The following COQ5 variants were observed in gnomAD, a reference collection of about 807,000 sequenced individuals.
COQ5 encodes the protein 2-methoxy-6-polyprenyl-1,4-benzoquinol methylase, mitochondrial.
A neutral mutation model predicts 40.5 loss-of-function variants in COQ5; 27 were observed. The observed-to-expected ratio is 0.67, with a 90% confidence interval of 0.49 to 0.92. The LOEUF (loss-of-function observed/expected upper bound fraction) is 0.92. COQ5 is among the 40% of genes least tolerant of loss of function. The pLI is 0.00. For synonymous variants in COQ5, 141 were observed against 150.0 expected, an observed-to-expected ratio of 0.94 and a Z score of 0.44; for missense variants, 409 against 406.4, an observed-to-expected ratio of 1.01 and a Z score of -0.06.
rs1258338925 is a variant in COQ5, at chr12:120,503,679, T to C, written c.*105A>G. 2.5e-6 allele frequency: 2 copies of C among 815,614 alleles called. No individual in the cohort carries two copies. The highest frequency in any genetic ancestry group is 1.9e-5 in the Admixed American group (1 of 52,146). 50.5% of individuals were successfully genotyped at this position (815,614 alleles called of 1,614,324 possible). On this transcript the variant is annotated 3_prime_UTR_variant, in exon 7 of 7. Coordinates refer to ENST00000288532, the MANE Select transcript of COQ5 (RefSeq NM_032314.4). Reference sequence around the variant, plus strand: ...TTCAAACATGAGTCCAAGGCACGTATCCTTAAGAGGAGATGCTCTGCTGCT... The same window carrying C: ...TTCAAACATGAGTCCAAGGCACGTACCCTTAAGAGGAGATGCTCTGCTGCT...
intron 1 of COQ5, chr12:120,523,044 A>G: frequency 2.2e-6 from 1 of 463,420 alleles, no homozygotes; most frequent in Non-Finnish European, 3.8e-6. Flanking sequence ...TAAAAAAAAA[A>G]GAGATTCTTA....
At chr12:120,509,942 T>A in intron 4 of COQ5, 75 bp downstream of exon 4, 1 of 1,202,410 alleles carries the variant, frequency 8.3e-7, no homozygotes, top group Admixed American at 1.7e-5. Flanking sequence ...TCTCCTTCTT[T>A]CCTCACTCAC....
At chr12:120,517,237 A>G (rs1362273307) in intron 2 of COQ5, among the ~76,000 whole-genome samples, 1 of 152,030 alleles carries the variant, frequency 6.6e-6, no homozygotes, top group African/African-American at 2.4e-5. Flanking sequence ...CTGTTATCCC[A>G]GCTACTTGGG....
intron 3 of COQ5, among the ~76,000 whole-genome samples, chr12:120,514,692 G>C: frequency 6.6e-6 from 1 of 151,756 alleles, no homozygotes. Flanking sequence ...GTAGTGACCC[G>C]AGATCGCTCC....
Position 120,503,754 on chromosome 12 carries a change from A to T in COQ5, c.*30T>A. 6.6e-7 allele frequency: 1 copy of T among 1,516,364 alleles called. No individual in the cohort carries two copies. Among genetic ancestry groups the T allele is most frequent in the Non-Finnish European group, 9.2e-7 (1 of 1,091,124 alleles). 93.9% of individuals were successfully genotyped at this position (1,516,364 alleles called of 1,614,324 possible). ...AGTTCCAGGCTTTCAACAGGATATGACTGGTTCATGCTCCATGATAGGAAA... is the reference window on the plus strand; with the variant it reads ...AGTTCCAGGCTTTCAACAGGATATGTCTGGTTCATGCTCCATGATAGGAAA... On this transcript the variant is annotated 3_prime_UTR_variant, in exon 7 of 7. Transcript: ENST00000288532.
Position 120,504,043 on chromosome 12 carries a change from A to G in COQ5, c.809T>C (p.Leu270Pro). The G allele has an allele frequency of 6.2e-7, 1 of 1,613,366 alleles. No individual in the cohort carries two copies. Among genetic ancestry groups the G allele is most frequent in the Non-Finnish European group, 8.5e-7 (1 of 1,179,268 alleles). ...CCAGTCTCCAGCGATGACCTCTCCCAGGACAGGGATGACCTGGAAGCTATA... is the reference window on the plus strand; with the variant it reads ...CCAGTCTCCAGCGATGACCTCTCCCGGGACAGGGATGACCTGGAAGCTATA... Reference protein sequence around the residue: ...DLYSFQVIPVLGEVIAGDWKS... With the variant: ...DLYSFQVIPVPGEVIAGDWKS... Residue 270 changes from leucine to proline, a missense_variant, in exon 6 of 7, where the codon CTG (leucine) becomes CCG (proline). Physicochemically the swap from Leu to Pro is moderately conservative, Grantham distance 98. Coordinates refer to ENST00000288532, the MANE Select transcript of COQ5 (RefSeq NM_032314.4).
intron 5 of COQ5, 39 bp from the exon 6 acceptor site, chr12:120,504,120 T>C (rs1417603688): frequency 8.5e-6 from 10 of 1,175,146 alleles, no homozygotes; most frequent in Non-Finnish European, 1.3e-5. Context: ...GATTAGAACA[T>C]GCCCCTCACT....
rs1056099482 is a variant in COQ5 at position 120,521,549 on chromosome 12, G to A, written c.352+665C>T. Among the ~76,000 whole-genome samples the A allele has an allele frequency of 6.6e-5, 10 of 152,144 alleles. No homozygotes were observed. The South Asian group carries it at 2.1e-3, about 32-fold the overall frequency. ...AAATTAGCCAGGCGTGGTGGTGCAT[G>A]CCTATAATCCCAGCTACTCAGGAGG... On this transcript the variant is annotated intron_variant, in intron 2 of 6. Coordinates refer to ENST00000288532, the MANE Select transcript of COQ5 (RefSeq NM_032314.4).
intron 3 of COQ5, among the ~76,000 whole-genome samples, chr12:120,513,501 CAAA>C (rs553219611): frequency 1.6e-5 from 1 of 62,040 alleles, no homozygotes; most frequent in Middle Eastern, 0.011. Context: ...GACTCCGTCT[CAAA>C]AAAAAAAAAA....
rs1328349224 is a variant in COQ5 at position 120,504,975 on chromosome 12, C to A, written c.690G>T (p.Gln230His). ...CTGGTTTCAGCACCCGATGAGCTTC[C>A]TGGAGTGCCTGAGCAAGACAAGGAA... ...RNVTHIDQAL[Q>H]EAHRVLKPGG... The change falls in exon 5 of 7, where the codon CAG (glutamine) becomes CAT (histidine). Residue 230 changes from glutamine (Q) to histidine (H), a missense_variant. By Grantham distance (24) the Gln-to-His change is conservative (BLOSUM62 0). Transcript: ENST00000288532. The A allele has an allele frequency of 6.2e-7, 1 of 1,613,960 alleles. No individual in the cohort carries two copies. Among genetic ancestry groups the A allele is most frequent in the African/African-American group, 1.3e-5 (1 of 74,926 alleles).
chr12:120,503,806 A>G lies in COQ5; in HGVS notation c.962T>C (p.Ile321Thr), dbSNP rs1593011882. 3.7e-6 allele frequency: 6 copies of G among 1,613,972 alleles called. No individual in the cohort carries two copies. Among genetic ancestry groups the G allele is most frequent in the East Asian group, 4.5e-5 (2 of 44,892 alleles). The stretch of plus-strand genomic sequence containing the variant: ...GAATTAAAGTTTGAAGCCAGAATGA[A>G]TGGCCACAATGCCTGATGTTAGACT... ...YESLTSGIVA[I>T]HSGFKL The change falls in exon 7 of 7, where the codon ATT (isoleucine) becomes ACT (threonine). Residue 321 changes from isoleucine to threonine, a missense_variant. Transcript: ENST00000288532.
intron 5 of COQ5, 165 bp downstream of exon 5, chr12:120,504,730 G>C: frequency 1.5e-6 from 1 of 687,400 alleles, no homozygotes; most frequent in Non-Finnish European, 2.7e-6. Flanking sequence ...ACTTGGGTCT[G>C]GTTTGAGACT....
intron 1 of COQ5, chr12:120,526,342 A>G (rs1209175076): frequency 2.6e-6 from 1 of 378,176 alleles, no homozygotes; most frequent in African/African-American, 2.2e-5. Flanking sequence ...GTGAAATTCA[A>G]ATTGAGTGTC....
At chr12:120,520,907 A>G (rs1416543555) in intron 2 of COQ5, among the ~76,000 whole-genome samples, 4 of 151,940 alleles carry the variant, frequency 2.6e-5, no homozygotes, top group Admixed American at 2.6e-4. Flanking sequence ...TCAAGCAGAA[A>G]AGGCAGCCTC....
chr12:120,525,490 C>T (rs1220146733), intron 1 of COQ5, among the ~76,000 whole-genome samples: 1 of 152,124 alleles, frequency 6.6e-6, no homozygotes, highest in Non-Finnish European at 1.5e-5. Context: ...GTGGCACACA[C>T]CTGGAGTGCC....
chr12:120,524,880 G>A (rs1298698299), intron 1 of COQ5, among the ~76,000 whole-genome samples: 2 of 151,634 alleles, frequency 1.3e-5, no homozygotes, highest in Non-Finnish European at 2.9e-5. Context: ...GTGCAGTGGC[G>A]TGATCTTGGC....
intron 2 of COQ5, among the ~76,000 whole-genome samples, chr12:120,518,623 A>G (rs1869501502): frequency 6.6e-6 from 1 of 150,922 alleles, no homozygotes; most frequent in Non-Finnish European, 1.5e-5. Flanking sequence ...AGAGTGCAGT[A>G]GCACGATCTC....
chr12:120,518,059 G>A (rs1180314820), intron 2 of COQ5, among the ~76,000 whole-genome samples: 2 of 151,946 alleles, frequency 1.3e-5, no homozygotes, highest in Non-Finnish European at 2.9e-5. Context: ...CACTCGCCTC[G>A]GCCTCCCAAA....
intron 5 of COQ5, among the ~76,000 whole-genome samples, chr12:120,504,298 C>T (rs1868780663): frequency 6.6e-6 from 1 of 151,906 alleles, no homozygotes. Context: ...AGTTACTACT[C>T]AGACCTCCCT....
Sources: gnomAD v4.1 joint callset for allele counts (sites outside exome capture counted in the v4.1 genomes callset) on GRCh38, gnomAD v4.1.1 for gene constraint, MANE v1.5 for transcripts, NCBI Gene and HGNC (gene_info 2026-07-23, HGNC 2026-07-21) for gene names.